Variants in DLG2 observed in about 807,000 individuals in gnomAD.
DLG2 encodes disks large homolog 2.
A neutral mutation model predicts 132.5 loss-of-function variants in DLG2; 45 were observed. The observed-to-expected ratio is 0.34, with a 90% CI of 0.27 to 0.44. DLG2 has a LOEUF of 0.44. Ranked by LOEUF, DLG2 falls within the 20% of genes least tolerant of loss-of-function variation. The pLI is 1.00. For missense variants in DLG2, 1,045 were observed against 1,196.9 expected (o/e 0.87, Z 1.87); for synonymous variants, 424 against 419.6 (o/e 1.01, Z -0.13).
intron 6 of DLG2, among the ~76,000 whole-genome samples, chr11:84,584,996 C>G (rs961807904): frequency 4.6e-5 from 7 of 151,992 alleles, no homozygotes; most frequent in African/African-American, 1.7e-4. Flanking sequence ...CCCCAGCATT[C>G]CTTTAATGTA....
At chr11:84,928,980 G>GTGTGTGTGTGTGTGTA (rs1555303534) in intron 6 of DLG2, among the ~76,000 whole-genome samples, 1 of 40,258 alleles carries the variant, frequency 2.5e-5, no homozygotes, top group Admixed American at 3.6e-4. Flanking sequence ...GTGTGTGTGT[G>GTGTGTGTGTGTGTGTA]TGTATATATA....
chr11:85,511,807 C>A (rs1225206293), intron 3 of DLG2, among the ~76,000 whole-genome samples: 1 of 151,034 alleles, frequency 6.6e-6, no homozygotes, highest in Non-Finnish European at 1.5e-5. Context: ...CAGCCTCAAA[C>A]TCCTGGGCTT....
intron 9 of DLG2, among the ~76,000 whole-genome samples, chr11:84,115,000 T>A (rs2093564451): frequency 6.6e-6 from 1 of 152,158 alleles, no homozygotes; most frequent in Middle Eastern, 3.2e-3. Context: ...AAGTAGCTAT[T>A]AGTTACAGGC....
At chr11:83,825,507 T>A (rs1364510833) in intron 17 of DLG2, among the ~76,000 whole-genome samples, 1 of 152,006 alleles carries the variant, frequency 6.6e-6, no homozygotes, top group Non-Finnish European at 1.5e-5. Flanking sequence ...TTAACATATA[T>A]TATACAGCCG....
chr11:84,030,398 T>C (rs1302193462), intron 11 of DLG2, among the ~76,000 whole-genome samples: 1 of 152,174 alleles, frequency 6.6e-6, no homozygotes, highest in Non-Finnish European at 1.5e-5. Flanking sequence ...CATAGAACTA[T>C]AAATAGCTAT....
intron 6 of DLG2, among the ~76,000 whole-genome samples, chr11:84,713,164 C>T (rs1456568449): frequency 2.0e-5 from 3 of 152,008 alleles, no homozygotes; most frequent in African/African-American, 7.2e-5. Context: ...GCATAGAATC[C>T]TGCTATTTGA....
chr11:85,579,794 C>T (rs2078395911), intron 3 of DLG2, among the ~76,000 whole-genome samples: 1 of 152,102 alleles, frequency 6.6e-6, no homozygotes, highest in African/African-American at 2.4e-5. Flanking sequence ...TCAAGCAATC[C>T]ACCCACCTCA....
intron 3 of DLG2, among the ~76,000 whole-genome samples, chr11:85,394,254 A>G (rs2087079851): frequency 6.6e-6 from 1 of 152,346 alleles, no homozygotes; most frequent in Middle Eastern, 3.4e-3. Context: ...ATTCCACTAT[A>G]TATCAGTGTA....
At position 84,152,398 on chromosome 11, in the gene DLG2, T is replaced by A. The variant is rs1322813562; in HGVS notation, c.624+11063A>T. Among the ~76,000 whole-genome samples, 3 of 151,932 alleles carry A rather than the reference T, an allele frequency of 2.0e-5. No individual in the cohort carries two copies. In the East Asian group the frequency reaches 5.8e-4, roughly 29 times the overall value. ...TGCTCTTTTTTGTTTTCTCTTTTTTTTTTTTTCAGACGGAGTCTTGCACTG... is the reference window on the plus strand; with the variant it reads ...TGCTCTTTTTTGTTTTCTCTTTTTTATTTTTTCAGACGGAGTCTTGCACTG... On this transcript the variant is annotated intron_variant, in intron 9 of 27. Coordinates refer to ENST00000376104, the MANE Select transcript of DLG2 (RefSeq NM_001142699.3).
At chr11:84,824,362 T>C (rs1230892380) in intron 6 of DLG2, among the ~76,000 whole-genome samples, 1 of 151,834 alleles carries the variant, frequency 6.6e-6, no homozygotes, top group East Asian at 1.9e-4. Flanking sequence ...TAGAAACACA[T>C]AGCTAACAAA....
At chr11:83,863,322 T>C (rs946129139) in intron 16 of DLG2, among the ~76,000 whole-genome samples, 2 of 152,132 alleles carry the variant, frequency 1.3e-5, no homozygotes, top group Admixed American at 1.3e-4. Context: ...TTGGGGGGTG[T>C]AGAAAACGTT....
At chr11:85,114,281 C>A (rs1403107830) in intron 5 of DLG2, among the ~76,000 whole-genome samples, 2 of 151,942 alleles carry the variant, frequency 1.3e-5, no homozygotes, top group African/African-American at 4.8e-5. Context: ...AGAAGCCCAG[C>A]TAGAACCAGA....
chr11:83,818,893 A>T (rs1048084689), intron 17 of DLG2, among the ~76,000 whole-genome samples: 1 of 152,208 alleles, frequency 6.6e-6, no homozygotes, highest in African/African-American at 2.4e-5. Flanking sequence ...TGCCCAAAGG[A>T]CTTTAAAACC....
chr11:84,805,920 T>G (rs2075944193), intron 6 of DLG2, among the ~76,000 whole-genome samples: 2 of 152,198 alleles, frequency 1.3e-5, no homozygotes, highest in Non-Finnish European at 2.9e-5. Flanking sequence ...AGAGCAATTT[T>G]GAACATACTT....
At chr11:85,147,236 A>T (rs961985082) in intron 5 of DLG2, among the ~76,000 whole-genome samples, 3 of 152,100 alleles carry the variant, frequency 2.0e-5, no homozygotes, top group Admixed American at 2.0e-4. Flanking sequence ...ATAGTTATTC[A>T]ATTTGGTGTT....
chr11:85,344,742 T>G (rs943680193), intron 3 of DLG2, among the ~76,000 whole-genome samples: 2 of 152,208 alleles, frequency 1.3e-5, no homozygotes, highest in African/African-American at 4.8e-5. Flanking sequence ...ATAACTTGAT[T>G]GATTTGCTTC....
chr11:83,804,724 G>C (rs1320957742), intron 17 of DLG2, among the ~76,000 whole-genome samples: 1 of 151,896 alleles, frequency 6.6e-6, no homozygotes, highest in Non-Finnish European at 1.5e-5. Context: ...TAACCACAAT[G>C]CCATTATTAC....
chr11:83,508,248 T>C (rs2094830835), intron 21 of DLG2, among the ~76,000 whole-genome samples: 1 of 150,304 alleles, frequency 6.7e-6, no homozygotes, highest in African/African-American at 2.4e-5. Flanking sequence ...TATACATCTT[T>C]TTTTTTTTTT....
chr11:85,383,996 C>T (rs183664495), intron 3 of DLG2, among the ~76,000 whole-genome samples: 10 of 152,246 alleles, frequency 6.6e-5, no homozygotes, highest in African/African-American at 2.4e-4. Context: ...TTCTGATTCT[C>T]CTTCAAAATC....
Sources: allele counts gnomAD v4.1 joint callset (sites outside exome capture counted in the v4.1 genomes callset), GRCh38; gene constraint gnomAD v4.1.1; transcripts MANE v1.5; gene names NCBI Gene and HGNC (gene_info 2026-07-23, HGNC 2026-07-21).